MAT1A: variants seen among roughly 807,000 people sequenced by gnomAD.
MAT1A encodes the protein methionine adenosyltransferase 1A.
A neutral mutation model predicts 44.0 loss-of-function variants in MAT1A; 19 were observed. The observed-to-expected ratio is 0.43, with a 90% CI of 0.30 to 0.63. MAT1A has a LOEUF of 0.63. Among genes scored for constraint, MAT1A ranks in the 30% least tolerant of loss-of-function variants. The pLI, the probability that MAT1A is intolerant of heterozygous loss-of-function variation, is 0.12. For synonymous variants in MAT1A, 205 were observed against 205.6 expected (o/e 1.00, Z 0.03); for missense variants, 397 against 531.0 (o/e 0.75, Z 2.48).
chr10:80,288,751 A>T (rs1042069570), intron 1 of MAT1A, among the ~76,000 whole-genome samples: 10 of 152,114 alleles, frequency 6.6e-5, no homozygotes, highest in Non-Finnish European at 1.2e-4. Flanking sequence ...GTTGACTTAA[A>T]TTGGCCATGG....
At chr10:80,277,326 C>T (rs373072656) in intron 5 of MAT1A, among the ~76,000 whole-genome samples, 1 of 152,294 alleles carries the variant, frequency 6.6e-6, no homozygotes, top group South Asian at 2.1e-4. Context: ...CAGTGGCTCC[C>T]TGGGACTGTG....
Position 80,275,015 on chromosome 10 carries a change from A to G in MAT1A, c.951+2T>C, listed in dbSNP as rs1212368794. The G allele has an allele frequency of 6.4e-7, 1 of 1,551,276 alleles. No individual in the cohort carries two copies. Among genetic ancestry groups the G allele is most frequent in the South Asian group, 1.2e-5 (1 of 84,100 alleles). On this transcript the variant is annotated splice_donor_variant, in intron 7 of 8. Coordinates refer to ENST00000372213, the MANE Select transcript of MAT1A (RefSeq NM_000429.3). LOFTEE classifies it high-confidence loss of function. ...GGACGGTGGTGGGTGGAGGGGGCTT[A>G]CCTGGACAAGCACTCTCCGGCAGAG... is the stretch of plus-strand genomic sequence containing the variant.
In MAT1A at chr10:80,280,201, G is replaced by A. The variant is rs1053330044; in HGVS notation, c.521C>T (p.Pro174Leu). The A allele has an allele frequency of 1.7e-5, 28 of 1,613,984 alleles. No individual in the cohort carries two copies. Among genetic ancestry groups the A allele is most frequent in the Non-Finnish European group, 2.4e-5 (28 of 1,180,034 alleles). Residue 174 changes from proline to leucine, a missense_variant, in exon 5 of 9, where the codon CCC becomes CTC. By Grantham distance (98) the Pro-to-Leu change is moderately conservative. Transcript: ENST00000372213. Reference sequence around the variant, plus strand: ...AGTCTTAGAGTCAGGCCGCAGCCAGGGGAGGAGGCCGGAGCGCCTGAGGTC... The same window carrying A: ...AGTCTTAGAGTCAGGCCGCAGCCAGAGGAGGAGGCCGGAGCGCCTGAGGTC... ...MADLRRSGLLPWLRPDSKTQV... is the reference protein window; with the variant it reads ...MADLRRSGLLLWLRPDSKTQV...
At chr10:80,281,164 G>T (rs1310968780) in intron 3 of MAT1A, among the ~76,000 whole-genome samples, 1 of 152,128 alleles carries the variant, frequency 6.6e-6, no homozygotes, top group East Asian at 1.9e-4. Flanking sequence ...CTCTCCCACA[G>T]GTGCCTCCCA....
At chr10:80,288,634 A>G (rs147495970) in intron 1 of MAT1A, among the ~76,000 whole-genome samples, 1 of 152,302 alleles carries the variant, frequency 6.6e-6, no homozygotes, top group African/African-American at 2.4e-5. Flanking sequence ...CCCAGCACCT[A>G]GAGGTCTACC....
At chr10:80,275,475 C>T in intron 6 of MAT1A, 1 of 516,986 alleles carries the variant, frequency 1.9e-6, no homozygotes, top group Admixed American at 3.2e-5. Flanking sequence ...TCCCTAATGC[C>T]TTTGTTACTG....
At chr10:80,276,937 C>G (rs1039642338) in intron 5 of MAT1A, among the ~76,000 whole-genome samples, 1 of 152,170 alleles carries the variant, frequency 6.6e-6, no homozygotes, top group African/African-American at 2.4e-5. Flanking sequence ...TGGCCAAAGC[C>G]CTTTCTTGAC....
Position 80,280,758 on chromosome 10 carries a change from A to C in MAT1A, c.327T>G (p.Ala109=), listed in dbSNP as rs764758725. Residue 109 remains alanine (A), a synonymous_variant, in exon 4 of 9, where the codon GCT becomes GCG. Coordinates refer to ENST00000372213, the MANE Select transcript of MAT1A (RefSeq NM_000429.3). ...CAATATCTGGGGATTGCTGCTCCAA[A>C]GCCACCAGCACGTTGCAAGTCTTGA... is the stretch of plus-strand genomic sequence containing the variant. ...FDFKTCNVLV[A]LEQQSPDIAQ... 1 of 1,614,164 alleles carries C rather than the reference A, an allele frequency of 6.2e-7. No individual in the cohort carries two copies. Among genetic ancestry groups the C allele is most frequent in the Non-Finnish European group, 8.5e-7 (1 of 1,180,024 alleles).
At chr10:80,277,873 G>A (rs1322458508) in intron 5 of MAT1A, among the ~76,000 whole-genome samples, 1 of 152,226 alleles carries the variant, frequency 6.6e-6, no homozygotes, top group African/African-American at 2.4e-5. Flanking sequence ...CTCTGACTAG[G>A]TACAAAAATA....
At chr10:80,277,498 T>C (rs1470217329) in intron 5 of MAT1A, among the ~76,000 whole-genome samples, 1 of 152,198 alleles carries the variant, frequency 6.6e-6, no homozygotes, top group Non-Finnish European at 1.5e-5. Context: ...CTGCATGAGA[T>C]GGCCCGATGC....
At chr10:80,284,696 T>G (rs1841619121) in intron 2 of MAT1A, among the ~76,000 whole-genome samples, 1 of 152,214 alleles carries the variant, frequency 6.6e-6, no homozygotes, top group South Asian at 2.1e-4. Flanking sequence ...CAGGCCCTGA[T>G]GCAGAGGGTA....
In MAT1A at chr10:80,280,191, C is replaced by A. The variant is rs747256630; in HGVS notation, c.531G>T (p.Arg177=). 6.2e-7 allele frequency: 1 copy of A among 1,614,104 alleles called. No homozygotes were observed. Among genetic ancestry groups the A allele is most frequent in the East Asian group, 2.2e-5 (1 of 44,870 alleles). Residue 177 remains arginine (R), a synonymous_variant, in exon 5 of 9, where the codon CGG becomes CGT. Transcript: ENST00000372213. ...LRRSGLLPWL[R]PDSKTQVTVQ... is the part of the protein sequence containing the mutation. The stretch of plus-strand genomic sequence containing the variant: ...TGCTCACCTGAGTCTTAGAGTCAGG[C>A]CGCAGCCAGGGGAGGAGGCCGGAGC...
At chr10:80,275,941 A>G (rs1353536092) in intron 6 of MAT1A, among the ~76,000 whole-genome samples, 11 of 152,080 alleles carry the variant, frequency 7.2e-5, no homozygotes, top group Non-Finnish European at 1.6e-4. Context: ...CCTGTCTAAA[A>G]CACCCTGTCC....
At chr10:80,283,764 G>T in intron 3 of MAT1A, 152 bp downstream of exon 3, 1 of 1,209,624 alleles carries the variant, frequency 8.3e-7, no homozygotes, top group Non-Finnish European at 1.2e-6. Flanking sequence ...CAGAGTCTTT[G>T]ACCCCTGGAA....
intron 2 of MAT1A, 112 bp from the exon 3 acceptor site, chr10:80,284,150 G>A (rs933522928): frequency 3.1e-5 from 43 of 1,382,976 alleles, no homozygotes; most frequent in Admixed American, 1.4e-4. Flanking sequence ...GGGGCCTTAC[G>A]AGGAATGGAT....
intron 3 of MAT1A, 64 bp from the exon 4 acceptor site, chr10:80,280,856 C>T: frequency 8.7e-7 from 1 of 1,151,776 alleles, no homozygotes; most frequent in Non-Finnish European, 1.3e-6. Flanking sequence ...ACAAACTTCC[C>T]AATGGATGGC....
rs1841434320 is a variant in MAT1A, at chr10:80,273,281, C to A, written c.*500G>T. The stretch of plus-strand genomic sequence containing the variant: ...TTACAGGTGCTTAGGAGACATCAGT[C>A]CTGCTCTAACCCCTGCCACATGCCT... On this transcript the variant is annotated 3_prime_UTR_variant, in exon 9 of 9. Coordinates refer to ENST00000372213, the MANE Select transcript of MAT1A (RefSeq NM_000429.3). 2 of 227,004 alleles carry A rather than the reference C, an allele frequency of 8.8e-6. No individual in the cohort carries two copies. Among genetic ancestry groups the A allele is most frequent in the African/African-American group, 4.6e-5 (2 of 43,666 alleles). The allele number at this position is 227,004 out of a possible 1,614,324, so 14.1% of individuals were successfully genotyped here. A position where few individuals can be genotyped will look rare whatever the true frequency, so the allele number is the denominator to read the frequency against.
Position 80,273,887 on chromosome 10 carries a change from C to A in MAT1A, c.1086-4G>T. On this transcript the variant is annotated splice_polypyrimidine_tract_variant and splice_region_variant and intron_variant, in intron 8 of 8. Transcript: ENST00000372213. Reference sequence around the variant, plus strand: ...GGGCTTCTTCAAGTCCAAATCCCTGCATGTCCAGCAGAAAGGAAGGGCATT... The same window carrying A: ...GGGCTTCTTCAAGTCCAAATCCCTGAATGTCCAGCAGAAAGGAAGGGCATT... 3.2e-6 allele frequency: 5 copies of A among 1,585,878 alleles called. No individual in the cohort carries two copies. Among genetic ancestry groups the A allele is most frequent in the Non-Finnish European group, 4.3e-6 (5 of 1,154,992 alleles).
At chr10:80,274,804 G>A in intron 7 of MAT1A, 151 bp from the exon 8 acceptor site, 1 of 1,273,322 alleles carries the variant, frequency 7.9e-7, no homozygotes, top group Non-Finnish European at 1.1e-6. Flanking sequence ...CTTCACCGAG[G>A]GCAGTTCTTC....
Sources: allele counts gnomAD v4.1 joint callset (sites outside exome capture counted in the v4.1 genomes callset), GRCh38; gene constraint gnomAD v4.1.1; transcripts MANE v1.5; gene names NCBI Gene and HGNC (gene_info 2026-07-23, HGNC 2026-07-21).